Variants in NRG3 observed in about 807,000 individuals in gnomAD.
NRG3 encodes neuregulin 3.
NRG3 carries 31 observed loss-of-function variants against 66.9 expected under a neutral mutation model. The observed-to-expected ratio is 0.46, with a 90% confidence interval of 0.35 to 0.63. The LOEUF (loss-of-function observed/expected upper bound fraction) is 0.63, where lower values mean the gene tolerates loss of function less well. NRG3 is among the 20% of genes least tolerant of loss of function. NRG3 has a pLI of 0.00. For synonymous variants in NRG3, 393 were observed against 359.4 expected (o/e 1.09, Z -1.06); for missense variants, 910 against 878.9 (o/e 1.04, Z -0.45).
intron 3 of NRG3, among the ~76,000 whole-genome samples, chr10:82,751,610 G>T (rs74475315): frequency 0.02 from 3,079 of 152,198 alleles, 53 homozygotes; most frequent in Non-Finnish European, 0.024. Flanking sequence ...AAGAAACCTT[G>T]CCAGGTACAT....
intron 2 of NRG3, among the ~76,000 whole-genome samples, chr10:82,388,721 A>C (rs1426381968): frequency 6.6e-6 from 1 of 152,150 alleles, no homozygotes; most frequent in Non-Finnish European, 1.5e-5. Flanking sequence ...TAAGAATGAA[A>C]GTTTATTTAA....
chr10:81,963,526 T>C (rs2059610534), intron 1 of NRG3, among the ~76,000 whole-genome samples: 1 of 152,194 alleles, frequency 6.6e-6, no homozygotes, highest in Non-Finnish European at 1.5e-5. Context: ...CGATTACACC[T>C]AAACATACAT....
intron 1 of NRG3, among the ~76,000 whole-genome samples, chr10:81,892,335 G>GGTATGA (rs771647579): frequency 6.6e-6 from 1 of 151,618 alleles, no homozygotes; most frequent in Non-Finnish European, 1.5e-5. Context: ...CAAAAATAAG[G>GGTATGA]GTATGAGGAG....
At position 82,634,481 on chromosome 10, in the gene NRG3, A is replaced by T. The variant is rs74833033; in HGVS notation, c.954-104096A>T. Among the ~76,000 whole-genome samples, 722 of 152,318 alleles carry T rather than the reference A, an allele frequency of 4.7e-3. 19 individuals are homozygous for T. The highest frequency in any genetic ancestry group is 0.035 in the East Asian group (180 of 5,182). On this transcript the variant is annotated intron_variant, in intron 2 of 8. Transcript: ENST00000372141. ...AATTAAAAATAGCATGTCTAGTTTC[A>T]CAATAATTTGGGAGATGCACATTTT...
chr10:82,869,167 A>G (rs968551603), intron 4 of NRG3, among the ~76,000 whole-genome samples: 4 of 152,230 alleles, frequency 2.6e-5, no homozygotes, highest in Non-Finnish European at 4.4e-5. Flanking sequence ...CAATTAATCA[A>G]TGCTAGTTCT....
chr10:82,236,596 A>G (rs1217631164), intron 1 of NRG3, among the ~76,000 whole-genome samples: 2 of 151,644 alleles, frequency 1.3e-5, no homozygotes, highest in Non-Finnish European at 2.9e-5. Context: ...TCCACTTCTC[A>G]CTTAGTTTCT....
At chr10:82,569,690 A>G (rs188007996) in intron 2 of NRG3, among the ~76,000 whole-genome samples, 37 of 151,758 alleles carry the variant, frequency 2.4e-4, no homozygotes, top group African/African-American at 8.9e-4. Context: ...CAGTACAGCT[A>G]ACCTTTCTCT....
intron 2 of NRG3, among the ~76,000 whole-genome samples, chr10:82,643,919 C>T (rs907055926): frequency 3.3e-5 from 5 of 151,772 alleles, no homozygotes; most frequent in Admixed American, 1.3e-4. Context: ...CACACACACA[C>T]ACACGAGAAT....
intron 1 of NRG3, among the ~76,000 whole-genome samples, chr10:81,991,465 A>G (rs558919948): frequency 6.6e-6 from 1 of 152,286 alleles, no homozygotes; most frequent in Admixed American, 6.5e-5. Context: ...TGATTTGTGA[A>G]TATGTGAGTC....
At chr10:82,771,552 A>T (rs970572530) in intron 3 of NRG3, among the ~76,000 whole-genome samples, 2 of 152,128 alleles carry the variant, frequency 1.3e-5, no homozygotes, top group African/African-American at 4.8e-5. Context: ...TTCTTATTCC[A>T]TGTAAGTTTG....
chr10:81,928,365 G>A (rs1301786517), intron 1 of NRG3, among the ~76,000 whole-genome samples: 7 of 152,138 alleles, frequency 4.6e-5, no homozygotes, highest in Admixed American at 3.9e-4. Flanking sequence ...CAGGTAGTGC[G>A]GAGTTTCCCC....
At chr10:82,205,890 A>T (rs2075094186) in intron 1 of NRG3, among the ~76,000 whole-genome samples, 1 of 152,088 alleles carries the variant, frequency 6.6e-6, no homozygotes, top group South Asian at 2.1e-4. Flanking sequence ...CATTTCATTT[A>T]TGTTCTTTAA....
chr10:82,608,126 A>T (rs1235418789), intron 2 of NRG3, among the ~76,000 whole-genome samples: 5 of 152,108 alleles, frequency 3.3e-5, no homozygotes, highest in Non-Finnish European at 7.4e-5. Flanking sequence ...AAATTTCTTC[A>T]GTTTTTGTTT....
chr10:82,892,670 A>C (rs2136131930), intron 4 of NRG3, among the ~76,000 whole-genome samples: 1 of 129,292 alleles, frequency 7.7e-6, no homozygotes, highest in East Asian at 2.0e-4. Context: ...TGTCTCAATA[A>C]ATAAATAAAT....
chr10:82,582,662 T>TTGTGTA (rs1554967065), intron 2 of NRG3, among the ~76,000 whole-genome samples: 8 of 146,378 alleles, frequency 5.5e-5, no homozygotes, highest in Non-Finnish European at 1.2e-4. Flanking sequence ...TCTATATGTG[T>TTGTGTA]TGTGTGTGTG....
chr10:81,880,344 A>T (rs79988047), intron 1 of NRG3, among the ~76,000 whole-genome samples: 4,039 of 152,176 alleles, frequency 0.027, 131 homozygotes, highest in African/African-American at 0.075. Flanking sequence ...CTTCTGCAGG[A>T]TTAATTTGTG....
chr10:82,049,408 A>G (rs1464466140), intron 1 of NRG3, among the ~76,000 whole-genome samples: 1 of 152,024 alleles, frequency 6.6e-6, no homozygotes, highest in African/African-American at 2.4e-5. Flanking sequence ...AATGTTTCCA[A>G]TGGGTGTTAT....
intron 1 of NRG3, among the ~76,000 whole-genome samples, chr10:82,029,264 G>T (rs56085007): frequency 0.081 from 12,275 of 152,084 alleles, 1,626 homozygotes; most frequent in African/African-American, 0.28. Context: ...ACCATTGGCT[G>T]TGTGCTGTGG....
chr10:82,266,318 G>GT (rs1189085038), intron 1 of NRG3, among the ~76,000 whole-genome samples: 3 of 152,082 alleles, frequency 2.0e-5, no homozygotes, highest in African/African-American at 7.2e-5. Flanking sequence ...ATTTTGAAAG[G>GT]TAAAGCGGAG....
Sources: allele counts gnomAD v4.1 joint callset (sites outside exome capture counted in the v4.1 genomes callset), GRCh38; gene constraint gnomAD v4.1.1; transcripts MANE v1.5; gene names NCBI Gene and HGNC (gene_info 2026-07-23, HGNC 2026-07-21).